FSTL5: variants seen among roughly 807,000 people sequenced by gnomAD.
FSTL5 encodes follistatin-related protein 5.
Under a neutral mutation model 89.1 loss-of-function variants are expected in FSTL5, and 62 were observed. The ratio of observed to expected loss-of-function variants is 0.70; its 90% CI spans 0.57 to 0.86. The LOEUF is 0.86. Among genes scored for constraint, FSTL5 ranks in the 40% least tolerant of loss-of-function variants. The pLI is 0.00. For missense variants in FSTL5, 1,057 were observed against 1,001.6 expected (o/e 1.06, Z -0.75); for synonymous variants, 383 against 346.2 (o/e 1.11, Z -1.18).
At chr4:162,088,080 T>C (rs1730393921) in intron 2 of FSTL5, among the ~76,000 whole-genome samples, 3 of 152,112 alleles carry the variant, frequency 2.0e-5, no homozygotes, top group Admixed American at 2.0e-4. Context: ...GCTAGATTTT[T>C]TTTCTTCCAC....
chr4:161,548,140 T>C (rs1249451006), intron 8 of FSTL5, among the ~76,000 whole-genome samples: 1 of 151,886 alleles, frequency 6.6e-6, no homozygotes, highest in East Asian at 1.9e-4. Flanking sequence ...TTCATTTGCA[T>C]TCCCATTCCA....
chr4:161,957,577 C>T (rs1348904210), intron 3 of FSTL5, among the ~76,000 whole-genome samples: 2 of 152,052 alleles, frequency 1.3e-5, no homozygotes, highest in East Asian at 3.9e-4. Context: ...ATGCCCACAA[C>T]AGCTTGCTGA....
At chr4:161,897,841 T>C (rs534495257) in intron 4 of FSTL5, among the ~76,000 whole-genome samples, 10 of 151,392 alleles carry the variant, frequency 6.6e-5, no homozygotes, top group African/African-American at 2.2e-4. Context: ...TCATACAGAA[T>C]AGTTTCAGGT....
intron 8 of FSTL5, among the ~76,000 whole-genome samples, chr4:161,574,856 T>C (rs1733156737): frequency 6.6e-6 from 1 of 152,222 alleles, no homozygotes; most frequent in Admixed American, 6.5e-5. Flanking sequence ...CCTTTCGGTA[T>C]ATGCAGTAAT....
At chr4:161,632,567 C>T (rs768160653) in intron 7 of FSTL5, among the ~76,000 whole-genome samples, 3 of 152,078 alleles carry the variant, frequency 2.0e-5, no homozygotes, top group Non-Finnish European at 4.4e-5. Context: ...CAATTGTATT[C>T]TATTGATTAT....
At chr4:161,635,933 ACATACCTCTGCAT>A (rs1735673744) in intron 7 of FSTL5, among the ~76,000 whole-genome samples, 1 of 152,172 alleles carries the variant, frequency 6.6e-6, no homozygotes, top group Non-Finnish European at 1.5e-5. Context: ...CTTTGATTTC[ACATACCTCTGCAT>A]CAACAAATTC....
At chr4:161,438,105 T>C (rs1449171057) in intron 15 of FSTL5, among the ~76,000 whole-genome samples, 2 of 152,126 alleles carry the variant, frequency 1.3e-5, no homozygotes, top group African/African-American at 2.4e-5. Flanking sequence ...ACCAAGCATA[T>C]GTGCAAAAAG....
intron 15 of FSTL5, among the ~76,000 whole-genome samples, chr4:161,454,245 T>C (rs1228622595): frequency 1.3e-5 from 2 of 152,140 alleles, no homozygotes; most frequent in Non-Finnish European, 2.9e-5. Context: ...AAGGACAAAA[T>C]CTTTGTTTCA....
At chr4:162,090,616 T>C (rs1730509987) in intron 2 of FSTL5, among the ~76,000 whole-genome samples, 1 of 151,596 alleles carries the variant, frequency 6.6e-6, no homozygotes, top group Non-Finnish European at 1.5e-5. Flanking sequence ...AGGCCAGGAG[T>C]TCGAGACTAG....
At chr4:161,810,938 G>A (rs1243729386) in intron 4 of FSTL5, among the ~76,000 whole-genome samples, 3 of 152,016 alleles carry the variant, frequency 2.0e-5, no homozygotes, top group African/African-American at 7.2e-5. Flanking sequence ...TTAAAGCAAG[G>A]AGCACTCACA....
intron 2 of FSTL5, among the ~76,000 whole-genome samples, chr4:162,067,974 GAGAATAC>G (rs1375751861): frequency 2.0e-5 from 3 of 151,924 alleles, no homozygotes; most frequent in Non-Finnish European, 4.4e-5. Context: ...TAAAATGCCT[GAGAATAC>G]AGTTAACAAG....
chr4:161,912,708 A>G (rs1162310742), intron 4 of FSTL5, among the ~76,000 whole-genome samples: 2 of 152,186 alleles, frequency 1.3e-5, no homozygotes, highest in Non-Finnish European at 2.9e-5. Context: ...ATACCAGAAA[A>G]TGTGGAAATG....
chr4:161,704,904 C>A (rs1190614325), intron 6 of FSTL5, among the ~76,000 whole-genome samples: 1 of 152,042 alleles, frequency 6.6e-6, no homozygotes, highest in African/African-American at 2.4e-5. Context: ...TTCCCTCTGG[C>A]ACTTTTCTTC....
intron 4 of FSTL5, among the ~76,000 whole-genome samples, chr4:161,864,949 T>G (rs1173414500): frequency 6.6e-6 from 1 of 151,302 alleles, no homozygotes; most frequent in Non-Finnish European, 1.5e-5. Context: ...ATAATGTTAG[T>G]GAACTATCTT....
chr4:161,848,834 G>A (rs1731460701), intron 4 of FSTL5, among the ~76,000 whole-genome samples: 1 of 152,110 alleles, frequency 6.6e-6, no homozygotes, highest in African/African-American at 2.4e-5. Context: ...TAAAAGGGAT[G>A]CACATCTCAC....
intron 3 of FSTL5, among the ~76,000 whole-genome samples, chr4:161,979,633 T>G (rs190159220): frequency 1.3e-5 from 2 of 152,170 alleles, no homozygotes; most frequent in Non-Finnish European, 2.9e-5. Flanking sequence ...ATTATTCTTT[T>G]TGAAATGTAA....
intron 15 of FSTL5, among the ~76,000 whole-genome samples, chr4:161,431,335 T>C (rs1560891713): frequency 6.6e-6 from 1 of 152,136 alleles, no homozygotes; most frequent in Non-Finnish European, 1.5e-5. Flanking sequence ...AGGCTTTTAC[T>C]AGTTTTCTCT....
chr4:162,151,849 C>T (rs1309440957), intron 1 of FSTL5, among the ~76,000 whole-genome samples: 4 of 152,130 alleles, frequency 2.6e-5, no homozygotes, highest in Non-Finnish European at 1.5e-5. Flanking sequence ...ATTTGCTCTA[C>T]CTGAAGACTA....
At chr4:161,855,570 G>A (rs952037120) in intron 4 of FSTL5, among the ~76,000 whole-genome samples, 5 of 76,302 alleles carry the variant, frequency 6.6e-5, no homozygotes, top group African/African-American at 1.9e-4. Flanking sequence ...TAGATAAGTA[G>A]GTACCATATT....
Sources: gnomAD v4.1 joint callset for allele counts (sites outside exome capture counted in the v4.1 genomes callset) on GRCh38, gnomAD v4.1.1 for gene constraint, MANE v1.5 for transcripts, NCBI Gene and HGNC (gene_info 2026-07-23, HGNC 2026-07-21) for gene names.